Variants in SPTBN1 observed in about 807,000 individuals in gnomAD.
SPTBN1 encodes spectrin beta, non-erythrocytic 1.
A neutral mutation model predicts 266.4 loss-of-function variants in SPTBN1; 32 were observed. The observed-to-expected ratio is 0.12, with a 90% CI of 0.09 to 0.16. The LOEUF is 0.16. SPTBN1 is among the 10% of genes least tolerant of loss of function. The pLI is 1.00. For synonymous variants in SPTBN1, 1,336 were observed against 1,162.2 expected (o/e 1.15, Z -3.04); for missense variants, 2,296 against 3,067.1 (o/e 0.75, Z 5.94).
intron 4 of SPTBN1, among the ~76,000 whole-genome samples, chr2:54,615,994 C>G (rs1440770073): frequency 6.6e-6 from 1 of 152,156 alleles, no homozygotes; most frequent in African/African-American, 2.4e-5. Context: ...TCCCGTCAGC[C>G]TTCTGTCTGT....
chr2:54,660,615 A>C (rs1200994030), intron 32 of SPTBN1: 2 of 985,424 alleles, frequency 2.0e-6, no homozygotes, highest in Non-Finnish European at 2.4e-6. Context: ...CAAAAAAGGG[A>C]GTCAGATATA....
At chr2:54,557,166 G>GT (rs1672929664) in intron 2 of SPTBN1, among the ~76,000 whole-genome samples, 1 of 152,224 alleles carries the variant, frequency 6.6e-6, no homozygotes, top group South Asian at 2.1e-4. Context: ...GCGTTGAGCA[G>GT]TTAGCTAGGC....
Position 54,576,357 on chromosome 2 carries a change from A to G in SPTBN1, c.149-22735A>G, listed in dbSNP as rs1424200468. Among the ~76,000 whole-genome samples the G allele has an allele frequency of 2.0e-5, 3 of 152,082 alleles. No homozygotes were observed. The East Asian group carries it at 5.8e-4, about 29-fold the overall frequency. On this transcript the variant is annotated intron_variant, in intron 2 of 35. Transcript: ENST00000356805. The stretch of plus-strand genomic sequence containing the variant: ...GTGTGAGCCACCGCGCCCGGCCTTC[A>G]GCTCTTCTTTCTGCTATTGCTTTGG...
At position 54,558,996 on chromosome 2, in the gene SPTBN1, C is replaced by T; in HGVS notation, c.148+32430C>T. ...GGCGGCTTCACAGCTCGGCCCCAGA[C>T]CCTGTGGTTGGCTGCGGGCACCCCA... On this transcript the variant is annotated intron_variant, in intron 2 of 35. Transcript: ENST00000356805. The surrounding 1 kb of genome is among the most constrained non-coding windows in gnomAD (Gnocchi z 4.6). 1 of 1,326,966 alleles carries T rather than the reference C, an allele frequency of 7.5e-7. No individual in the cohort carries two copies. The highest frequency in any genetic ancestry group is 1.0e-6 in the Non-Finnish European group (1 of 983,572). The allele number at this position is 1,326,966 out of a possible 1,614,324, so 82.2% of individuals were successfully genotyped here.
intron 1 of SPTBN1, among the ~76,000 whole-genome samples, chr2:54,522,111 A>G (rs1289556071): frequency 6.6e-6 from 1 of 151,356 alleles, no homozygotes; most frequent in African/African-American, 2.4e-5. Flanking sequence ...TGTGTTGTCC[A>G]GTCTGGTCTT....
intron 2 of SPTBN1, among the ~76,000 whole-genome samples, chr2:54,572,295 A>G (rs186548510): frequency 2.5e-4 from 38 of 152,342 alleles, no homozygotes; most frequent in Admixed American, 3.9e-4. Flanking sequence ...TAATGTAATC[A>G]GGTTACATAG....
In SPTBN1 at chr2:54,554,649, C is replaced by G. The variant is rs1672757473; in HGVS notation, c.148+28083C>G. 6.6e-6 allele frequency among the ~76,000 whole-genome samples: 1 copy of G among 152,186 alleles called. No homozygotes were observed. The highest frequency in any genetic ancestry group is 2.1e-4 in the South Asian group (1 of 4,824). ...AGGCCCAGAGAACATCAGAAACATGCTCAAGATTACATAGCTCCTTGGTAC... is the reference window on the plus strand; with the variant it reads ...AGGCCCAGAGAACATCAGAAACATGGTCAAGATTACATAGCTCCTTGGTAC... On this transcript the variant is annotated intron_variant, in intron 2 of 35. Transcript: ENST00000356805. The surrounding 1 kb of genome is among the most constrained non-coding windows in gnomAD (Gnocchi z 4.5).
intron 2 of SPTBN1, among the ~76,000 whole-genome samples, chr2:54,538,124 C>T (rs1381724248): frequency 6.6e-6 from 1 of 151,942 alleles, no homozygotes; most frequent in Non-Finnish European, 1.5e-5. Context: ...TGGTTGGTTA[C>T]TTAAAAAAAA....
intron 1 of SPTBN1, among the ~76,000 whole-genome samples, chr2:54,486,114 G>T (rs1442644558): frequency 8.3e-5 from 11 of 133,028 alleles, no homozygotes; most frequent in African/African-American, 3.2e-4. Flanking sequence ...TCAGCCCCAC[G>T]CCCGGCCAGC....
intron 35 of SPTBN1, 105 bp downstream of exon 35, chr2:54,667,751 A>G (rs1478055093): frequency 2.9e-6 from 3 of 1,052,036 alleles, no homozygotes; most frequent in Non-Finnish European, 2.9e-6. Context: ...ATGATCAGTG[A>G]TGGTTTCTAT....
chr2:54,457,471 G>A (rs1693117604), intron 1 of SPTBN1, among the ~76,000 whole-genome samples: 2 of 152,166 alleles, frequency 1.3e-5, no homozygotes, highest in African/African-American at 4.8e-5. Flanking sequence ...TTTTCCAATC[G>A]AAAGCCAGGC....
intron 1 of SPTBN1, among the ~76,000 whole-genome samples, chr2:54,476,266 A>G (rs1667826272): frequency 6.6e-6 from 1 of 152,198 alleles, no homozygotes; most frequent in Admixed American, 6.5e-5. Flanking sequence ...CCCCGCCCAA[A>G]TGCTAGGGTA....
chr2:54,615,475 G>A (rs1257161700), intron 4 of SPTBN1, among the ~76,000 whole-genome samples: 1 of 152,300 alleles, frequency 6.6e-6, no homozygotes, highest in Admixed American at 6.5e-5. Context: ...GGCAGTTGGC[G>A]CCTAATCTAA....
chr2:54,510,505 A>T (rs1353747215), intron 1 of SPTBN1, among the ~76,000 whole-genome samples: 1 of 152,228 alleles, frequency 6.6e-6, no homozygotes, highest in East Asian at 1.9e-4. Context: ...TACTAACAGA[A>T]TTTAGTTCCC....
chr2:54,641,980 G>A (rs1248689411), intron 18 of SPTBN1, among the ~76,000 whole-genome samples: 3 of 152,238 alleles, frequency 2.0e-5, no homozygotes, highest in Non-Finnish European at 2.9e-5. Flanking sequence ...GTAAAAGTGG[G>A]CTTCTCACGG....
chr2:54,457,478 A>G (rs1452918730), intron 1 of SPTBN1, among the ~76,000 whole-genome samples: 1 of 152,170 alleles, frequency 6.6e-6, no homozygotes, highest in East Asian at 1.9e-4. Context: ...ATCGAAAGCC[A>G]GGCCAGATAG....
At chr2:54,526,643 C>T (rs942103240) in intron 2 of SPTBN1, 77 bp downstream of exon 2, 3 of 1,496,272 alleles carry the variant, frequency 2.0e-6, no homozygotes, top group South Asian at 1.3e-5. Flanking sequence ...CACCCTGTTC[C>T]CATGACGCTG....
intron 26 of SPTBN1, among the ~76,000 whole-genome samples, 178 bp downstream of exon 26, chr2:54,650,167 G>A (rs1262733535): frequency 1.3e-5 from 2 of 152,290 alleles, no homozygotes; most frequent in African/African-American, 4.8e-5. Flanking sequence ...GTCCATAAAG[G>A]TCTACGTTTG....
At position 54,629,961 on chromosome 2, in the gene SPTBN1, C is replaced by T. The variant is rs1403841241; in HGVS notation, c.2739C>T (p.Arg913=). 3 of 1,614,118 alleles carry T rather than the reference C, an allele frequency of 1.9e-6. No homozygotes were observed. Among genetic ancestry groups the T allele is most frequent in the Middle Eastern group, 3.3e-4 (2 of 6,062 alleles). ...TTGCAGTGGTGAACCAGATTGCACG[C>T]CAGCTGATGCACAGCGGCCACCCAA... ...SRVAVVNQIA[R]QLMHSGHPSE... The change falls in exon 15 of 36, where the codon CGC becomes CGT. Residue 913 remains arginine (R), a synonymous_variant. Transcript: ENST00000356805.
Sources: gnomAD v4.1 joint callset for allele counts (sites outside exome capture counted in the v4.1 genomes callset) on GRCh38, gnomAD v4.1.1 for gene constraint, Gnocchi (gnomAD v3.1) non-coding constraint, MANE v1.5 for transcripts, NCBI Gene and HGNC (gene_info 2026-07-23, HGNC 2026-07-21) for gene names.